DNAJC11: variants seen among roughly 807,000 people sequenced by gnomAD.
The protein encoded by DNAJC11 is dnaJ homolog subfamily C member 11.
A neutral mutation model predicts 78.6 loss-of-function variants in DNAJC11; 15 were observed. The ratio of observed to expected loss-of-function variants is 0.19; its 90% confidence interval spans 0.13 to 0.29. The LOEUF (loss-of-function observed/expected upper bound fraction) is 0.29, where lower values mean the gene tolerates loss of function less well. Ranked by LOEUF, DNAJC11 falls within the 10% of genes least tolerant of loss-of-function variation. The pLI, the probability that DNAJC11 is intolerant of heterozygous loss-of-function variation, is 1.00. For missense variants in DNAJC11, 547 were observed against 709.6 expected, an observed-to-expected ratio of 0.77 and a Z score of 2.60; for synonymous variants, 292 against 272.1, an observed-to-expected ratio of 1.07 and a Z score of -0.72.
At chr1:6,668,820 G>GT (rs2148741735) in intron 3 of DNAJC11, among the ~76,000 whole-genome samples, 1 of 152,250 alleles carries the variant, frequency 6.6e-6, no homozygotes, top group African/African-American at 2.4e-5. Context: ...ATAGGCTGGC[G>GT]TAACAATACT....
At position 6,657,859 on chromosome 1, in the gene DNAJC11, A is replaced by C. The variant is rs1311143920; in HGVS notation, c.379-3820T>G. Among the ~76,000 whole-genome samples, 7 of 152,242 alleles carry C rather than the reference A, an allele frequency of 4.6e-5. No individual in the cohort carries two copies. The East Asian group carries it at 1.2e-3, about 25-fold the overall frequency. On this transcript the variant is annotated intron_variant, in intron 4 of 15. Transcript: ENST00000377577. ...ACGGGGTTTCACCGTGTTAGCCAGG[A>C]TGGTCTCGATCTCCTGACCTCGTGA...
At position 6,635,548 on chromosome 1, in the gene DNAJC11, T is replaced by C; in HGVS notation, c.*127A>G. ...GCATGTCCCTTCACATAATTGATAA[T>C]GGTACCACCTTCTATAATAATAATA... is the stretch of plus-strand genomic sequence containing the variant. On this transcript the variant is annotated 3_prime_UTR_variant, in exon 16 of 16. Transcript: ENST00000377577. The C allele has an allele frequency of 9.5e-7, 1 of 1,053,718 alleles. No homozygotes were observed. Among genetic ancestry groups the C allele is most frequent in the South Asian group, 1.6e-5 (1 of 63,470 alleles). 65.3% of individuals were successfully genotyped at this position (1,053,718 alleles called of 1,614,324 possible). A position where few individuals can be genotyped will look rare whatever the true frequency, so the allele number is the denominator to read the frequency against.
chr1:6,665,995 A>G (rs1314423930), intron 4 of DNAJC11, among the ~76,000 whole-genome samples: 1 of 152,128 alleles, frequency 6.6e-6, no homozygotes, highest in Non-Finnish European at 1.5e-5. Flanking sequence ...CAATTATCCT[A>G]AACTCCCTGG....
At chr1:6,679,113 A>G (rs1023091921) in intron 2 of DNAJC11, among the ~76,000 whole-genome samples, 1 of 152,222 alleles carries the variant, frequency 6.6e-6, no homozygotes, top group Non-Finnish European at 1.5e-5. Context: ...TGTTTTTAAG[A>G]TAATTTGGTA....
chr1:6,640,326 A>G (rs570084141), intron 10 of DNAJC11, among the ~76,000 whole-genome samples: 50 of 152,350 alleles, frequency 3.3e-4, no homozygotes, highest in African/African-American at 1.2e-3. Flanking sequence ...TCACGGGGTC[A>G]ACGTCCCCTA....
At chr1:6,689,679 G>C (rs1642713396) in intron 1 of DNAJC11, among the ~76,000 whole-genome samples, 2 of 152,012 alleles carry the variant, frequency 1.3e-5, no homozygotes, top group African/African-American at 4.8e-5. Context: ...AGGAGGCTGA[G>C]GCAGGAGAAT....
At chr1:6,686,986 C>A (rs1307389166) in intron 1 of DNAJC11, among the ~76,000 whole-genome samples, 2 of 152,222 alleles carry the variant, frequency 1.3e-5, no homozygotes, top group African/African-American at 4.8e-5. Context: ...ATTGAAGATT[C>A]ATTACTGTCC....
chr1:6,690,231 T>C lies in DNAJC11; in HGVS notation c.73-9194A>G, dbSNP rs1259423658. 4.6e-5 allele frequency among the ~76,000 whole-genome samples: 7 copies of C among 152,294 alleles called. No homozygotes were observed. In the South Asian group the frequency reaches 1.5e-3, roughly 32 times the overall value. On this transcript the variant is annotated intron_variant, in intron 1 of 15. Coordinates refer to ENST00000377577, the MANE Select transcript of DNAJC11 (RefSeq NM_018198.4). Reference sequence around the variant, plus strand: ...ATATATATACCAGATCAACGATTCATCCAAATTATATAAGTAACCAATAAA... The same window carrying C: ...ATATATATACCAGATCAACGATTCACCCAAATTATATAAGTAACCAATAAA...
At chr1:6,684,543 A>C (rs1642606998) in intron 1 of DNAJC11, among the ~76,000 whole-genome samples, 1 of 152,216 alleles carries the variant, frequency 6.6e-6, no homozygotes, top group Admixed American at 6.5e-5. Flanking sequence ...ACTCTGCAAG[A>C]CATTCTTTAA....
intron 7 of DNAJC11, among the ~76,000 whole-genome samples, chr1:6,649,469 AG>A (rs1167654020): frequency 2.0e-5 from 3 of 152,098 alleles, no homozygotes; most frequent in Non-Finnish European, 4.4e-5. Flanking sequence ...GTGCTCAGCC[AG>A]GAAGCACTGC....
chr1:6,682,698 T>C, intron 1 of DNAJC11, among the ~76,000 whole-genome samples: 1 of 151,980 alleles, frequency 6.6e-6, no homozygotes, highest in East Asian at 1.9e-4. Flanking sequence ...GAGGCAGAGG[T>C]GGGCAGATTG....
chr1:6,680,820 C>G lies in DNAJC11; in HGVS notation c.202+88G>C, dbSNP rs1570305461. 6.5e-7 allele frequency: 1 copy of G among 1,527,200 alleles called. No homozygotes were observed. Among genetic ancestry groups the G allele is most frequent in the East Asian group, 2.3e-5 (1 of 44,034 alleles). 94.6% of individuals were successfully genotyped at this position (1,527,200 alleles called of 1,614,324 possible). ...CCTGTTTTATATACCTCTAAGGACT[C>G]TCTTTTTCTATCCTCTACAAATCGC... On this transcript the variant is annotated intron_variant, in intron 2 of 15. Transcript: ENST00000377577. The surrounding 1 kb of genome is among the most constrained non-coding windows in gnomAD (Gnocchi z 4.0).
In DNAJC11 at chr1:6,652,861, T is replaced by G. The variant is rs772314538; in HGVS notation, c.598A>C (p.Arg200=). Residue 200 remains arginine (R), a synonymous_variant, in exon 6 of 16, where the codon AGA becomes CGA. Coordinates refer to ENST00000377577, the MANE Select transcript of DNAJC11 (RefSeq NM_018198.4). ...NGGGSINFAL[R]RVTSAKGWGE... ...CATCCCTTTGCCGAAGTTACTCGTCTGAGCGCAAAGTTAATGGAACCTCCT... is the reference window on the plus strand; with the variant it reads ...CATCCCTTTGCCGAAGTTACTCGTCGGAGCGCAAAGTTAATGGAACCTCCT... The G allele has an allele frequency of 2.5e-6, 4 of 1,614,240 alleles. No homozygotes were observed. Among genetic ancestry groups the G allele is most frequent in the Non-Finnish European group, 2.5e-6 (3 of 1,180,050 alleles).
At chr1:6,687,801 A>G (rs1353706093) in intron 1 of DNAJC11, among the ~76,000 whole-genome samples, 1 of 152,178 alleles carries the variant, frequency 6.6e-6, no homozygotes, top group African/African-American at 2.4e-5. Flanking sequence ...AATAAACCCC[A>G]ATGATGTATT....
At chr1:6,693,502 G>A (rs575736052) in intron 1 of DNAJC11, among the ~76,000 whole-genome samples, 1 of 151,918 alleles carries the variant, frequency 6.6e-6, no homozygotes, top group East Asian at 2.0e-4. Context: ...TCTTGCCTCA[G>A]CCTCCCGAGT....
intron 1 of DNAJC11, among the ~76,000 whole-genome samples, chr1:6,681,825 T>G (rs1403757000): frequency 2.0e-5 from 3 of 152,196 alleles, no homozygotes; most frequent in African/African-American, 7.2e-5. Flanking sequence ...GCTATGTGGC[T>G]GGCCCCGCAG....
chr1:6,690,801 G>C (rs1426159275), intron 1 of DNAJC11, among the ~76,000 whole-genome samples: 2 of 152,194 alleles, frequency 1.3e-5, no homozygotes, highest in Non-Finnish European at 2.9e-5. Context: ...GCGGGCGCCT[G>C]TAGTCCCAGC....
chr1:6,637,887 G>A, intron 12 of DNAJC11: 1 of 414,262 alleles, frequency 2.4e-6, no homozygotes, highest in East Asian at 5.0e-5. Context: ...TCTTGAGAAA[G>A]GACCTGTGTT....
At position 6,634,511 on chromosome 1, in the gene DNAJC11, C is replaced by T; in HGVS notation, c.*1164G>A. 2 of 1,353,240 alleles carry T rather than the reference C, an allele frequency of 1.5e-6. No individual in the cohort carries two copies. The highest frequency in any genetic ancestry group is 1.2e-5 in the South Asian group (1 of 85,524). 83.8% of individuals were successfully genotyped at this position (1,353,240 alleles called of 1,614,324 possible). A position where few individuals can be genotyped will look rare whatever the true frequency, so the allele number is the denominator to read the frequency against. On this transcript the variant is annotated 3_prime_UTR_variant, in exon 16 of 16. Coordinates refer to ENST00000377577, the MANE Select transcript of DNAJC11 (RefSeq NM_018198.4). ...TGGAGGCCGGCGCAGCTTGGGGCCC[C>T]CCGCGCCAGCTGTCTCAGCCACCAC...
Sources: gnomAD v4.1 joint callset for allele counts (sites outside exome capture counted in the v4.1 genomes callset) on GRCh38, gnomAD v4.1.1 for gene constraint, Gnocchi (gnomAD v3.1) non-coding constraint, MANE v1.5 for transcripts, NCBI Gene and HGNC (gene_info 2026-07-23, HGNC 2026-07-21) for gene names.